Variants in CHIA observed in about 807,000 individuals in gnomAD.
CHIA encodes chitinase acidic.
Under a neutral mutation model 53.5 loss-of-function variants are expected in CHIA, and 47 were observed. That is an observed-to-expected ratio of 0.88 (90% CI 0.70 to 1.12). CHIA has a LOEUF of 1.12. Ranked by LOEUF, CHIA falls within the 50% of genes most tolerant of loss-of-function variation. The pLI is 0.00. For synonymous variants in CHIA, 268 were observed against 222.2 expected, an observed-to-expected ratio of 1.21 and a Z score of -1.83; for missense variants, 652 against 592.2, an observed-to-expected ratio of 1.10 and a Z score of -1.05.
At chr1:111,306,134 G>T (rs2101626623) in intron 1 of CHIA, among the ~76,000 whole-genome samples, 1 of 152,274 alleles carries the variant, frequency 6.6e-6, no homozygotes, top group East Asian at 1.9e-4. Context: ...TTAAAATCAT[G>T]AAGATTTTCA....
At chr1:111,298,281 C>G (rs934600055) in intron 1 of CHIA, among the ~76,000 whole-genome samples, 6 of 152,216 alleles carry the variant, frequency 3.9e-5, no homozygotes, top group African/African-American at 1.4e-4. Context: ...CCCAAATCAA[C>G]AGAATATACA....
chr1:111,298,796 A>G (rs6688274), intron 1 of CHIA, among the ~76,000 whole-genome samples: 48,918 of 151,902 alleles, frequency 0.32, 8,054 homozygotes, highest in East Asian at 0.4. Context: ...AGTGAATCCA[A>G]GAGATGCTTT....
chr1:111,311,770 C>T, intron 3 of CHIA, 52 bp downstream of exon 3: 1 of 1,576,972 alleles, frequency 6.3e-7, no homozygotes, highest in South Asian at 1.1e-5. Flanking sequence ...ACGAGATAAA[C>T]CATACTATGG....
At chr1:111,299,279 C>T (rs1647497506) in intron 1 of CHIA, among the ~76,000 whole-genome samples, 1 of 152,020 alleles carries the variant, frequency 6.6e-6, no homozygotes, top group African/African-American at 2.4e-5. Flanking sequence ...GGCAGACACA[C>T]CACAAAAAAA....
At chr1:111,304,340 C>G (rs1648005958) in intron 1 of CHIA, among the ~76,000 whole-genome samples, 1 of 152,118 alleles carries the variant, frequency 6.6e-6, no homozygotes, top group South Asian at 2.1e-4. Context: ...CTTTCTTTCT[C>G]TTTTATTTTT....
In CHIA at chr1:111,319,311, C is replaced by T. The variant is rs115321756; in HGVS notation, c.1036-16C>T. The T allele has an allele frequency of 1.8e-3, 2,853 of 1,614,176 alleles. 8 individuals are homozygous for T. The highest frequency in any genetic ancestry group is 4.0e-3 in the Middle Eastern group (24 of 6,062). On this transcript the variant is annotated splice_polypyrimidine_tract_variant and intron_variant, in intron 10 of 11. Transcript: ENST00000369740. ...AGGAAAGCAAGTGATTCCTGTTATCCTCTTTCTTTAAACAGGCTCAATGGC... is the reference window on the plus strand; with the variant it reads ...AGGAAAGCAAGTGATTCCTGTTATCTTCTTTCTTTAAACAGGCTCAATGGC...
intron 1 of CHIA, among the ~76,000 whole-genome samples, chr1:111,295,405 A>G (rs1557730886): frequency 6.6e-6 from 1 of 152,184 alleles, no homozygotes; most frequent in Non-Finnish European, 1.5e-5. Flanking sequence ...CTAATTTTCT[A>G]TCTTTTCATG....
At chr1:111,296,252 C>A (rs960202702) in intron 1 of CHIA, among the ~76,000 whole-genome samples, 3 of 152,214 alleles carry the variant, frequency 2.0e-5, no homozygotes, top group Non-Finnish European at 2.9e-5. Flanking sequence ...GAACAGACTG[C>A]CTCCTCAAGT....
At chr1:111,307,758 T>C (rs914334183) in intron 1 of CHIA, among the ~76,000 whole-genome samples, 3 of 152,042 alleles carry the variant, frequency 2.0e-5, no homozygotes, top group East Asian at 3.9e-4. Context: ...TCTCCTGCCT[T>C]AGCCTCCCAA....
At chr1:111,317,656 C>T (rs1400234169) in intron 6 of CHIA, 25 bp from the exon 7 acceptor site, 10 of 1,612,278 alleles carry the variant, frequency 6.2e-6, no homozygotes, top group Non-Finnish European at 8.5e-6. Context: ...TCATAGATGT[C>T]CTATTATGCC....
intron 1 of CHIA, among the ~76,000 whole-genome samples, chr1:111,302,693 C>T (rs759714984): frequency 1.3e-5 from 2 of 151,990 alleles, no homozygotes; most frequent in Non-Finnish European, 2.9e-5. Context: ...AAAAATGTCC[C>T]GTGTGCGCTT....
At chr1:111,310,895 G>C (rs566554290) in intron 2 of CHIA, among the ~76,000 whole-genome samples, 15 of 152,284 alleles carry the variant, frequency 9.9e-5, no homozygotes, top group African/African-American at 3.1e-4. Flanking sequence ...AAATCAGTAG[G>C]AACTGAGATA....
chr1:111,301,861 A>T (rs1361084341), intron 1 of CHIA, among the ~76,000 whole-genome samples: 1 of 151,308 alleles, frequency 6.6e-6, no homozygotes, highest in Non-Finnish European at 1.5e-5. Context: ...CAATGAAAAC[A>T]CTTGGACGTA....
chr1:111,296,781 T>C (rs1467180507), intron 1 of CHIA, among the ~76,000 whole-genome samples: 1 of 152,174 alleles, frequency 6.6e-6, no homozygotes, highest in African/African-American at 2.4e-5. Context: ...TTATCCAAGC[T>C]AAATGAGCAT....
At chr1:111,301,993 T>C (rs1297442860) in intron 1 of CHIA, among the ~76,000 whole-genome samples, 1 of 152,198 alleles carries the variant, frequency 6.6e-6, no homozygotes, top group Non-Finnish European at 1.5e-5. Flanking sequence ...ACATGGCATA[T>C]GTATAGCTAT....
intron 1 of CHIA, among the ~76,000 whole-genome samples, chr1:111,302,943 G>C (rs1647878867): frequency 6.6e-6 from 1 of 151,920 alleles, no homozygotes; most frequent in African/African-American, 2.4e-5. Context: ...GTGTCATTAG[G>C]TACATAAATG....
intron 4 of CHIA, 41 bp from the exon 5 acceptor site, chr1:111,314,499 T>A: frequency 7.2e-7 from 1 of 1,396,436 alleles, no homozygotes; most frequent in Non-Finnish European, 1.0e-6. Flanking sequence ...GAGGGAGTCC[T>A]GACTTTTGAA....
chr1:111,310,185 A>C (rs187907413), intron 1 of CHIA, among the ~76,000 whole-genome samples: 2 of 152,318 alleles, frequency 1.3e-5, no homozygotes, highest in East Asian at 3.9e-4. Context: ...GGAACTGCCA[A>C]AAAAGCTATT....
chr1:111,318,110 G>A lies in CHIA; in HGVS notation c.729+1G>A. 1 of 1,609,926 alleles carries A rather than the reference G, an allele frequency of 6.2e-7. No individual in the cohort carries two copies. Among genetic ancestry groups the A allele is most frequent in the Non-Finnish European group, 8.5e-7 (1 of 1,176,348 alleles). ...CGGCAGCAACGCCTACCTCAATGTGGTGAGTCCCTGTACAGATGCAAGAGC... is the reference window on the plus strand; with the variant it reads ...CGGCAGCAACGCCTACCTCAATGTGATGAGTCCCTGTACAGATGCAAGAGC... On this transcript the variant is annotated splice_donor_variant, in intron 8 of 11. Coordinates refer to ENST00000369740, the MANE Select transcript of CHIA (RefSeq NM_201653.4). LOFTEE classifies it high-confidence loss of function.
Sources: allele counts gnomAD v4.1 joint callset (sites outside exome capture counted in the v4.1 genomes callset), GRCh38; gene constraint gnomAD v4.1.1; transcripts MANE v1.5; gene names NCBI Gene and HGNC (gene_info 2026-07-23, HGNC 2026-07-21).